EIF3H: variants seen among roughly 807,000 people sequenced by gnomAD.
The protein encoded by EIF3H is eukaryotic translation initiation factor 3 subunit H.
EIF3H carries 26 observed loss-of-function variants against 44.2 expected under a neutral mutation model. That is an observed-to-expected ratio of 0.59 (90% CI 0.43 to 0.82). The LOEUF is 0.82. EIF3H is among the 40% of genes least tolerant of loss of function. The pLI, the probability that EIF3H is intolerant of heterozygous loss-of-function variation, is 0.00. For synonymous variants in EIF3H, 166 were observed against 151.9 expected (o/e 1.09, Z -0.68); for missense variants, 359 against 432.8 (o/e 0.83, Z 1.51).
intron 1 of EIF3H, among the ~76,000 whole-genome samples, chr8:116,734,826 G>T (rs1815007040): frequency 6.6e-6 from 1 of 152,190 alleles, no homozygotes; most frequent in Admixed American, 6.5e-5. Flanking sequence ...CTCCAAAAGT[G>T]CTAGGATTAC....
At chr8:116,647,977 G>T (rs1053678191) in intron 6 of EIF3H, among the ~76,000 whole-genome samples, 3 of 151,716 alleles carry the variant, frequency 2.0e-5, no homozygotes, top group Admixed American at 2.0e-4. Flanking sequence ...TAAGCTGGTA[G>T]AAACAAAGTA....
chr8:116,749,033 C>T (rs1005923958), intron 1 of EIF3H, among the ~76,000 whole-genome samples: 6 of 152,044 alleles, frequency 3.9e-5, no homozygotes, highest in African/African-American at 7.2e-5. Context: ...GTAACTCATA[C>T]TTTTCTATTT....
chr8:116,764,956 A>C (rs1815554137), intron 1 of EIF3H, among the ~76,000 whole-genome samples: 1 of 152,252 alleles, frequency 6.6e-6, no homozygotes, highest in Non-Finnish European at 1.5e-5. Flanking sequence ...AAATTAAAAA[A>C]CGACAACAAA....
chr8:116,697,123 C>G (rs759111622), intron 2 of EIF3H: 4 of 456,178 alleles, frequency 8.8e-6, no homozygotes, highest in Non-Finnish European at 1.8e-5. Flanking sequence ...ATCTCACTCT[C>G]TTAGTGTCCA....
At position 116,675,102 on chromosome 8, in the gene EIF3H, T is replaced by C. The variant is rs533182205; in HGVS notation, c.290-16122A>G. Among the ~76,000 whole-genome samples the C allele has an allele frequency of 4.4e-5, 6 of 136,668 alleles. No individual in the cohort carries two copies. The South Asian group carries it at 1.3e-3, about 30-fold the overall frequency. The allele number at this position is 136,668 out of a possible 152,430, so 89.7% of individuals were successfully genotyped here. On this transcript the variant is annotated intron_variant, in intron 2 of 7. Transcript: ENST00000521861. ...TATCCTCAAAAACTTTATTGATTTA[T>C]AAAAAAATCTCTTTGTATTTTTAAA... is the stretch of plus-strand genomic sequence containing the variant.
chr8:116,678,021 G>A (rs1158099202), intron 2 of EIF3H, among the ~76,000 whole-genome samples: 3 of 152,042 alleles, frequency 2.0e-5, no homozygotes, highest in African/African-American at 4.8e-5. Flanking sequence ...CTCCTTCCAC[G>A]GTCTCCCTCT....
At chr8:116,663,487 G>C (rs1402405037) in intron 2 of EIF3H, among the ~76,000 whole-genome samples, 1 of 152,176 alleles carries the variant, frequency 6.6e-6, no homozygotes, top group East Asian at 1.9e-4. Flanking sequence ...TGAATGGCAA[G>C]AGGATAATCC....
intron 2 of EIF3H, among the ~76,000 whole-genome samples, chr8:116,688,669 T>A (rs974152916): frequency 6.6e-6 from 1 of 152,288 alleles, no homozygotes; most frequent in South Asian, 2.1e-4. Flanking sequence ...GGAGAATCCA[T>A]GGTGCTACCT....
chr8:116,671,371 T>C (rs1187644879), intron 2 of EIF3H, among the ~76,000 whole-genome samples: 1 of 152,196 alleles, frequency 6.6e-6, no homozygotes, highest in Non-Finnish European at 1.5e-5. Flanking sequence ...GTATCTGCAA[T>C]GTTTCAAAGC....
chr8:116,735,608 T>A (rs926722821), intron 1 of EIF3H, among the ~76,000 whole-genome samples: 1 of 152,144 alleles, frequency 6.6e-6, no homozygotes, highest in Non-Finnish European at 1.5e-5. Flanking sequence ...AATAGTTGCA[T>A]TTTCAACCCT....
At chr8:116,675,933 A>G (rs894447608) in intron 2 of EIF3H, among the ~76,000 whole-genome samples, 1 of 152,252 alleles carries the variant, frequency 6.6e-6, no homozygotes, top group Admixed American at 6.5e-5. Flanking sequence ...TGTAAAACGT[A>G]TATGAATAAG....
chr8:116,741,365 A>G (rs1006195268), intron 1 of EIF3H, among the ~76,000 whole-genome samples: 22 of 152,232 alleles, frequency 1.4e-4, no homozygotes, highest in African/African-American at 5.1e-4. Flanking sequence ...ACTATCTCTC[A>G]TAACAACCAA....
intron 2 of EIF3H, among the ~76,000 whole-genome samples, chr8:116,715,968 G>A (rs1814653424): frequency 6.6e-6 from 1 of 151,984 alleles, no homozygotes. Context: ...GGTAAATTCT[G>A]TAATATAAAA....
At chr8:116,665,471 C>A (rs1311593849) in intron 2 of EIF3H, among the ~76,000 whole-genome samples, 1 of 152,026 alleles carries the variant, frequency 6.6e-6, no homozygotes, top group African/African-American at 2.4e-5. Context: ...GAGATCAGAT[C>A]TAGTACATGT....
Position 116,680,086 on chromosome 8 carries a change from G to GC in EIF3H, c.290-21107dup, listed in dbSNP as rs539197145. Among the ~76,000 whole-genome samples the GC allele has an allele frequency of 1.5e-3, 68 of 44,918 alleles. 19 individuals are homozygous for GC. The highest frequency in any genetic ancestry group is 5.5e-3 in the African/African-American group (66 of 11,970). The allele number at this position is 44,918 out of a possible 152,430, so 29.5% of individuals were successfully genotyped here. Reference sequence around the variant, plus strand: ...GTCCAGGAGGGAGGTGGGGGGATCAGCCCCCCGCCTGGCCAGCCGCCCCGT... The same window carrying GC: ...GTCCAGGAGGGAGGTGGGGGGATCAGCCCCCCCGCCTGGCCAGCCGCCCCGT... On this transcript the variant is annotated intron_variant, in intron 2 of 7. Transcript: ENST00000521861.
intron 2 of EIF3H, among the ~76,000 whole-genome samples, chr8:116,659,868 A>G (rs765479961): frequency 1.5e-4 from 23 of 152,074 alleles, no homozygotes; most frequent in Non-Finnish European, 2.8e-4. Context: ...CATAATAGCC[A>G]TGCTATTTCT....
At chr8:116,657,491 A>T (rs1813510416) in intron 3 of EIF3H, 177 bp from the exon 4 acceptor site, 2 of 594,804 alleles carry the variant, frequency 3.4e-6, no homozygotes, top group Non-Finnish European at 3.0e-6. Context: ...ATAGCACTTG[A>T]AAATGCAGGA....
intron 2 of EIF3H, among the ~76,000 whole-genome samples, chr8:116,698,316 C>T (rs576907645): frequency 3.1e-4 from 47 of 152,224 alleles, no homozygotes; most frequent in Non-Finnish European, 6.2e-4. Context: ...TTTCCAGATA[C>T]TCATGAGCCT....
At chr8:116,669,123 A>G (rs1208062842) in intron 2 of EIF3H, among the ~76,000 whole-genome samples, 1 of 152,216 alleles carries the variant, frequency 6.6e-6, no homozygotes, top group Non-Finnish European at 1.5e-5. Flanking sequence ...ATGTACAAAT[A>G]GGAATATGAT....
Sources: gnomAD v4.1 joint callset for allele counts (sites outside exome capture counted in the v4.1 genomes callset) on GRCh38, gnomAD v4.1.1 for gene constraint, MANE v1.5 for transcripts, NCBI Gene and HGNC (gene_info 2026-07-23, HGNC 2026-07-21) for gene names.